P3H1: variants seen among roughly 807,000 people sequenced by gnomAD.
The protein encoded by P3H1 is growth suppressor 1.
Under a neutral mutation model 84.0 loss-of-function variants are expected in P3H1, and 69 were observed. The ratio of observed to expected loss-of-function variants is 0.82; its 90% confidence interval spans 0.68 to 1.00. The LOEUF is 1.00. P3H1 is among the 50% of genes least tolerant of loss of function. The probability of loss-of-function intolerance (pLI) is 0.00; values close to 1 mark genes in which losing one functional copy is unlikely to be tolerated. For missense variants in P3H1, 878 were observed against 962.8 expected, an observed-to-expected ratio of 0.91 and a Z score of 1.17; for synonymous variants, 366 against 388.8, an observed-to-expected ratio of 0.94 and a Z score of 0.69.
chr1:42,755,785 T>C, intron 5 of P3H1, 148 bp from the exon 6 acceptor site: 1 of 693,622 alleles, frequency 1.4e-6, no homozygotes. Context: ...TTCCCCAGTT[T>C]GAGACAAAAG....
chr1:42,748,424 G>T, intron 11 of P3H1, 107 bp from the exon 12 acceptor site: 1 of 864,730 alleles, frequency 1.2e-6, no homozygotes, highest in South Asian at 1.3e-5. Context: ...TCTACGGAAT[G>T]CCCAATGAAC....
Position 42,766,021 on chromosome 1 carries a change from C to CA in P3H1, c.465+485_465+486insT, listed in dbSNP as rs1553144412. Among the ~76,000 whole-genome samples, 98 of 141,312 alleles carry CA rather than the reference C, an allele frequency of 6.9e-4. 2 individuals carry two copies. The highest frequency in any genetic ancestry group is 1.9e-3 in the African/African-American group (68 of 34,978). 92.7% of individuals were successfully genotyped at this position (141,312 alleles called of 152,430 possible). On this transcript the variant is annotated intron_variant, in intron 1 of 14. Transcript: ENST00000296388. ...TAGCCAGAGGGTCCCCCCCCCGCCC[C>CA]CACACACACACAGAAAGGGCCAGGC...
rs1363331766 is a variant in P3H1, at chr1:42,746,504, C to G, written c.*193G>C. On this transcript the variant is annotated 3_prime_UTR_variant, in exon 15 of 15. Transcript: ENST00000296388. ...CTGTGTCCTGAGCCCTCAGCCAGATCCAGGGGGTGCGGTGTCTGGTCATGT... is the reference window on the plus strand; with the variant it reads ...CTGTGTCCTGAGCCCTCAGCCAGATGCAGGGGGTGCGGTGTCTGGTCATGT... 3.3e-6 allele frequency: 2 copies of G among 613,628 alleles called. No homozygotes were observed. The highest frequency in any genetic ancestry group is 5.8e-6 in the Non-Finnish European group (2 of 346,488). 38.0% of individuals were successfully genotyped at this position (613,628 alleles called of 1,614,324 possible).
At chr1:42,747,678 A>C in intron 13 of P3H1, 45 bp downstream of exon 13, 1 of 1,604,026 alleles carries the variant, frequency 6.2e-7, no homozygotes, top group East Asian at 2.2e-5. Flanking sequence ...AGCTGTAGAA[A>C]ACAGACTTTT....
chr1:42,762,237 C>T lies in P3H1; in HGVS notation c.618+86G>A, dbSNP rs113378682. ...AGTGAGCTATGATCAAGCCACTGCA[C>T]TCCAGCCTGGGTGACAGAGCAAGAC... On this transcript the variant is annotated intron_variant, in intron 2 of 14. Coordinates refer to ENST00000296388, the MANE Select transcript of P3H1 (RefSeq NM_022356.4). The T allele has an allele frequency of 1.8e-5, 26 of 1,432,254 alleles. No homozygotes were observed. In the African/African-American group the frequency reaches 2.4e-4, roughly 13 times the overall value. 88.7% of individuals were successfully genotyped at this position (1,432,254 alleles called of 1,614,324 possible). A position where few individuals can be genotyped will look rare whatever the true frequency, so the allele number is the denominator to read the frequency against.
At chr1:42,750,483 T>A in intron 10 of P3H1, 147 bp from the exon 11 acceptor site, 2 of 854,204 alleles carry the variant, frequency 2.3e-6, no homozygotes, top group Admixed American at 2.0e-5. Flanking sequence ...TGGGGGTGGA[T>A]CTTTCCCGTG....
In P3H1 at chr1:42,750,177, G is replaced by A; in HGVS notation, c.1720+9C>T. 3.1e-6 allele frequency: 5 copies of A among 1,611,428 alleles called. No individual in the cohort carries two copies. Among genetic ancestry groups the A allele is most frequent in the Non-Finnish European group, 4.2e-6 (5 of 1,178,960 alleles). ...CGGGGGCGGGTGCTGCAGGGGTAAT[G>A]AGGCCCACCTTCGATGGCAGTGCGG... On this transcript the variant is annotated intron_variant, in intron 11 of 14. Coordinates refer to ENST00000296388, the MANE Select transcript of P3H1 (RefSeq NM_022356.4).
In P3H1 at chr1:42,766,721, G is replaced by A. The variant is rs1195185776; in HGVS notation, c.251C>T (p.Pro84Leu). 4 of 1,560,238 alleles carry A rather than the reference G, an allele frequency of 2.6e-6. No individual in the cohort carries two copies. The highest frequency in any genetic ancestry group is 1.9e-5 in the Admixed American group (1 of 53,270). ...RCRTQCAADF[P>L]WELDPDWSPS... Reference sequence around the variant, plus strand: ...GGACCAGTCGGGGTCCAGCTCCCACGGGAAGTCGGCGGCACACTGGGTGCG... The same window carrying A: ...GGACCAGTCGGGGTCCAGCTCCCACAGGAAGTCGGCGGCACACTGGGTGCG... Residue 84 changes from proline (P) to leucine (L), a missense_variant, in exon 1 of 15, where the codon CCG becomes CTG. Coordinates refer to ENST00000296388, the MANE Select transcript of P3H1 (RefSeq NM_022356.4).
At chr1:42,756,041 TTC>T (rs1652385798) in intron 5 of P3H1, among the ~76,000 whole-genome samples, 3 of 152,180 alleles carry the variant, frequency 2.0e-5, no homozygotes, top group Admixed American at 6.5e-5. Flanking sequence ...TGACATGTTA[TTC>T]ATTTGATCTT....
At chr1:42,759,688 G>T (rs1343665131) in intron 2 of P3H1, among the ~76,000 whole-genome samples, 1 of 152,016 alleles carries the variant, frequency 6.6e-6, no homozygotes, top group African/African-American at 2.4e-5. Flanking sequence ...CCACCTCCTG[G>T]GTTCAAGTGA....
chr1:42,748,354 C>G (rs777847192), intron 11 of P3H1, 37 bp from the exon 12 acceptor site: 1 of 1,472,442 alleles, frequency 6.8e-7, no homozygotes, highest in Non-Finnish European at 9.5e-7. Context: ...AAGGGAGCAC[C>G]TCGGGAGACG....
chr1:42,762,252 C>G, intron 2 of P3H1, 71 bp downstream of exon 2: 1 of 1,525,190 alleles, frequency 6.6e-7, no homozygotes, highest in Non-Finnish European at 9.1e-7. Context: ...GCCTGGGTGA[C>G]AGAGCAAGAC....
chr1:42,760,018 CTT>C (rs1467571297), intron 2 of P3H1: 4 of 112,908 alleles, frequency 3.5e-5, no homozygotes, highest in Non-Finnish European at 6.8e-5. Context: ...GAGTTTCACT[CTT>C]GTTGCCCAGG....
Position 42,766,581 on chromosome 1 carries a change from A to C in P3H1, c.391T>G (p.Ser131Ala). ...RRCLGPPAAHSLSEEMELEFR... is the reference protein window; with the variant it reads ...RRCLGPPAAHALSEEMELEFR... ...TCCAGCTCCATCTCTTCGCTGAGCG[A>C]GTGGGCGGCCGGCGGCCCGAGGCAG... Residue 131 changes from serine (S) to alanine (A), a missense_variant, in exon 1 of 15, where the codon TCG becomes GCG. Ser to Ala is a moderately conservative substitution (Grantham distance 99, BLOSUM62 1). Coordinates refer to ENST00000296388, the MANE Select transcript of P3H1 (RefSeq NM_022356.4). 1 of 1,611,140 alleles carries C rather than the reference A, an allele frequency of 6.2e-7. No individual in the cohort carries two copies.
At position 42,759,387 on chromosome 1, in the gene P3H1, C is replaced by A. The variant is rs1421866782; in HGVS notation, c.622G>T (p.Glu208Ter). The change falls in exon 3 of 15, where the codon GAA becomes TAA. Residue 208 changes from glutamate (E) to a stop codon, truncating the protein, a stop_gained. Coordinates refer to ENST00000296388, the MANE Select transcript of P3H1 (RefSeq NM_022356.4). LOFTEE classifies it high-confidence loss of function. ...TAGAGTCGCACTCCCAGTCGAAATT[C>A]TTGCTACTGGGAAGAAGGAGCACTC... ...KDLETQPHMQEFRLGVRLYSE... is the reference protein window; with the variant it reads ...KDLETQPHMQ 6.2e-7 allele frequency: 1 copy of A among 1,614,042 alleles called. No homozygotes were observed. Among genetic ancestry groups the A allele is most frequent in the Non-Finnish European group, 8.5e-7 (1 of 1,179,966 alleles).
In P3H1 at chr1:42,766,588, G is replaced by A. The variant is rs749334329; in HGVS notation, c.384C>T (p.Ala128=). 2.5e-6 allele frequency: 4 copies of A among 1,610,420 alleles called. No individual in the cohort carries two copies. Among genetic ancestry groups the A allele is most frequent in the Admixed American group, 1.7e-5 (1 of 59,804 alleles). The change falls in exon 1 of 15, where the codon GCC becomes GCT. Residue 128 remains alanine (A), a synonymous_variant. Transcript: ENST00000296388. ...ACLRRCLGPP[A]AHSLSEEMEL... is the part of the protein sequence containing the mutation. ...CCATCTCTTCGCTGAGCGAGTGGGCGGCCGGCGGCCCGAGGCAGCGGCGCA... is the reference window on the plus strand; with the variant it reads ...CCATCTCTTCGCTGAGCGAGTGGGCAGCCGGCGGCCCGAGGCAGCGGCGCA...
chr1:42,765,303 C>T (rs533047810), intron 1 of P3H1, among the ~76,000 whole-genome samples: 2 of 152,338 alleles, frequency 1.3e-5, no homozygotes, highest in South Asian at 4.1e-4. Context: ...AATATTACCT[C>T]TTCTTTGAAG....
At chr1:42,765,367 C>T (rs1165140887) in intron 1 of P3H1, among the ~76,000 whole-genome samples, 1 of 152,170 alleles carries the variant, frequency 6.6e-6, no homozygotes, top group East Asian at 1.9e-4. Context: ...TCCCGCAGCC[C>T]TAAGTATATG....
At position 42,755,631 on chromosome 1, in the gene P3H1, T is replaced by C. The variant is rs146476495; in HGVS notation, c.1087A>G (p.Lys363Glu). The change falls in exon 6 of 15, where the codon AAG (lysine) becomes GAG (glutamate). Residue 363 changes from lysine to glutamate, a missense_variant. Lys to Glu is a moderately conservative substitution (Grantham distance 56, BLOSUM62 1). Coordinates refer to ENST00000296388, the MANE Select transcript of P3H1 (RefSeq NM_022356.4). ...AGTAGGCTTCGCTGTCGGTACTCCT[T>C]GGCACTCTGAGGGTAAAAAAGCAAA... ...TRSIGPRESA[K>E]EYRQRSLLEK... is the part of the protein sequence containing the mutation. 162 of 1,613,478 alleles carry C rather than the reference T, an allele frequency of 1.0e-4. No homozygotes were observed. The highest frequency in any genetic ancestry group is 1.3e-4 in the Non-Finnish European group (158 of 1,179,550).
Sources: allele counts gnomAD v4.1 joint callset (sites outside exome capture counted in the v4.1 genomes callset), GRCh38; gene constraint gnomAD v4.1.1; transcripts MANE v1.5; gene names NCBI Gene and HGNC (gene_info 2026-07-23, HGNC 2026-07-21).